The following DPRX variants were observed in gnomAD, a reference collection of about 807,000 sequenced individuals.
The protein encoded by DPRX is divergent paired-related homeobox.
Under a neutral mutation model 8.4 loss-of-function variants are expected in DPRX, and 11 were observed. The ratio of observed to expected loss-of-function variants is 1.31; its 90% confidence interval spans 0.82 to 2.17. The LOEUF is 2.17. Among genes scored for constraint, DPRX ranks in the 30% most tolerant of loss-of-function variants. DPRX has a pLI of 0.00. For synonymous variants in DPRX, 72 were observed against 87.0 expected, an observed-to-expected ratio of 0.83 and a Z score of 0.96; for missense variants, 211 against 236.7, an observed-to-expected ratio of 0.89 and a Z score of 0.71.
chr19:53,606,665 GCTT>G, the DPRX span: 2 of 151,896 alleles, frequency 1.3e-5, no homozygotes, highest in Non-Finnish European at 2.9e-5. This position sits in a 1 kb window ranked among gnomAD's most constrained non-coding sequence, Gnocchi z 4.8. Flanking sequence ...AGGGTGGAGG[GCTT>G]CTTCTCCTGC....
the DPRX span, chr19:53,601,278 G>C: frequency 2.2e-6 from 1 of 456,326 alleles, no homozygotes; most frequent in Non-Finnish European, 4.4e-6. Flanking sequence ...TCAACATCCA[G>C]ACTCCACATT....
At chr19:53,620,725 G>C in the DPRX span, among the ~76,000 whole-genome samples, 1 of 151,988 alleles carries the variant, frequency 6.6e-6, no homozygotes, top group Admixed American at 6.6e-5. Flanking sequence ...GTCTCACTCT[G>C]TTGCCCAGGC....
chr19:53,601,258 C>T, the DPRX span: 25 of 455,984 alleles, frequency 5.5e-5, no homozygotes, highest in Non-Finnish European at 1.1e-4. Context: ...TCCAGGAAGC[C>T]ACTCACCAAT....
the DPRX span, among the ~76,000 whole-genome samples, chr19:53,604,691 A>C: frequency 4.6e-5 from 7 of 152,022 alleles, no homozygotes; most frequent in Admixed American, 1.3e-4. Flanking sequence ...AAAAATACAA[A>C]AATTAGCTGG....
the DPRX span, chr19:53,616,799 C>G: frequency 6.3e-7 from 1 of 1,585,946 alleles, no homozygotes; most frequent in South Asian, 1.1e-5. Flanking sequence ...CTTGCTGCCA[C>G]CAACATGGAG....
At chr19:53,601,483 C>CTTTTTT in the DPRX span, 2 of 308,814 alleles carry the variant, frequency 6.5e-6, no homozygotes, top group South Asian at 2.5e-5. Flanking sequence ...AATGCCTATT[C>CTTTTTT]TTTTTTTTTT....
chr19:53,619,440 C>T, the DPRX span, among the ~76,000 whole-genome samples: 3 of 151,966 alleles, frequency 2.0e-5, no homozygotes, highest in East Asian at 1.9e-4. Context: ...TTTGTGAGGC[C>T]GAGACGGGCG....
At chr19:53,633,196 G>T (rs1246753737) in intron 1 of DPRX, among the ~76,000 whole-genome samples, 1 of 152,176 alleles carries the variant, frequency 6.6e-6, no homozygotes, top group African/African-American at 2.4e-5. Context: ...GGGAGGCTGA[G>T]GTGAGAGGAT....
upstream of DPRX, among the ~76,000 whole-genome samples, chr19:53,628,690 A>G (rs1178664123): frequency 6.6e-6 from 1 of 151,826 alleles, no homozygotes; most frequent in Non-Finnish European, 1.5e-5. Flanking sequence ...CCCAGGTTCA[A>G]ATGATTGTCC....
chr19:53,620,154 C>G, the DPRX span, among the ~76,000 whole-genome samples: 19 of 152,054 alleles, frequency 1.2e-4, no homozygotes, highest in African/African-American at 4.6e-4. Context: ...ACTGCAAGCT[C>G]CGCCTCCCGG....
chr19:53,619,229 G>C, the DPRX span, among the ~76,000 whole-genome samples: 1 of 151,968 alleles, frequency 6.6e-6, no homozygotes, highest in Admixed American at 6.6e-5. Flanking sequence ...AAAGGATGGG[G>C]AGCCAACACC....
chr19:53,613,718 A>G, the DPRX span, among the ~76,000 whole-genome samples: 1 of 151,316 alleles, frequency 6.6e-6, no homozygotes, highest in Admixed American at 6.6e-5. Flanking sequence ...GTACTCCACA[A>G]CCCCAAACGA....
At chr19:53,608,799 AG>A in the DPRX span, among the ~76,000 whole-genome samples, 1 of 151,648 alleles carries the variant, frequency 6.6e-6, no homozygotes, top group East Asian at 2.0e-4. Context: ...AAAAATACAC[AG>A]AAAAATTAGC....
At chr19:53,612,847 C>A in the DPRX span, among the ~76,000 whole-genome samples, 4 of 152,100 alleles carry the variant, frequency 2.6e-5, no homozygotes, top group Non-Finnish European at 4.4e-5. Flanking sequence ...GACGGGGAAC[C>A]CAGCAAACCT....
chr19:53,623,694 A>C, the DPRX span, among the ~76,000 whole-genome samples: 1 of 152,042 alleles, frequency 6.6e-6, no homozygotes, highest in African/African-American at 2.4e-5. Flanking sequence ...CTGTAATCCC[A>C]ACACTTTGGG....
At chr19:53,624,310 A>C in the DPRX span, among the ~76,000 whole-genome samples, 1 of 148,582 alleles carries the variant, frequency 6.7e-6, no homozygotes, top group East Asian at 2.0e-4. Context: ...GCTGGTCTCA[A>C]ACTCCTGACC....
the DPRX span, among the ~76,000 whole-genome samples, chr19:53,608,977 AAAGAAAAG>A: frequency 3.5e-3 from 244 of 68,760 alleles, 1 homozygote; most frequent in African/African-American, 0.018. Context: ...AAAAAAAAGG[AAAGAAAAG>A]AAAGAAAGAG....
chr19:53,603,419 C>T, the DPRX span: 1 of 456,560 alleles, frequency 2.2e-6, no homozygotes, highest in Non-Finnish European at 4.4e-6. Context: ...TGACAGGGCT[C>T]CACAGACTCG....
rs1018228634 is a variant in DPRX, at chr19:53,635,593, C to T, written c.183+908C>T. Among the ~76,000 whole-genome samples the T allele has an allele frequency of 2.0e-5, 3 of 152,080 alleles. No individual in the cohort carries two copies. In the South Asian group the frequency reaches 6.2e-4, roughly 31 times the overall value. ...ATGGGGTTTCGTCATGTTGCCCAGG[C>T]TGGACTCAAACTCCTGAAATCAAGT... is the stretch of plus-strand genomic sequence containing the variant. On this transcript the variant is annotated intron_variant, in intron 2 of 2. Coordinates refer to ENST00000376650, the Ensembl canonical transcript of DPRX.
Sources: gnomAD v4.1 joint callset for allele counts (sites outside exome capture counted in the v4.1 genomes callset) on GRCh38, gnomAD v4.1.1 for gene constraint, Gnocchi (gnomAD v3.1) non-coding constraint, MANE v1.5 for transcripts, NCBI Gene and HGNC (gene_info 2026-07-23, HGNC 2026-07-21) for gene names.